LMLN: variants seen among roughly 807,000 people sequenced by gnomAD.
The protein encoded by LMLN is leishmanolysin-like peptidase.
LMLN carries 70 observed loss-of-function variants against 92.3 expected under a neutral mutation model. The observed-to-expected ratio is 0.76, with a 90% CI of 0.63 to 0.92. LMLN has a LOEUF of 0.92. LMLN is among the 40% of genes least tolerant of loss of function. LMLN has a pLI of 0.00. For missense variants in LMLN, 691 were observed against 814.6 expected (o/e 0.85, Z 1.85); for synonymous variants, 308 against 296.2 (o/e 1.04, Z -0.41).
intron 7 of LMLN, among the ~76,000 whole-genome samples, chr3:197,984,660 G>A (rs774937114): frequency 1.3e-5 from 2 of 151,604 alleles, no homozygotes; most frequent in Non-Finnish European, 2.9e-5. Context: ...TGTTGCCCAG[G>A]CTGGTCTCAA....
chr3:197,977,152 C>G lies in LMLN; in HGVS notation c.549+437C>G, dbSNP rs193153925. Among the ~76,000 whole-genome samples, 22 of 152,068 alleles carry G rather than the reference C, an allele frequency of 1.4e-4. No individual in the cohort carries two copies. In the East Asian group the frequency reaches 4.2e-3, roughly 29 times the overall value. ...TGTTCTTTGCAAAACTATAAATATG[C>G]CTATTTAGGGTATATTTATGTTAAG... On this transcript the variant is annotated intron_variant, in intron 5 of 15. Coordinates refer to ENST00000330198, the Ensembl canonical transcript of LMLN.
chr3:197,978,013 A>G (rs758318666), intron 5 of LMLN, among the ~76,000 whole-genome samples: 2 of 152,252 alleles, frequency 1.3e-5, no homozygotes, highest in Non-Finnish European at 2.9e-5. Context: ...CTGGATACAT[A>G]TAAAAATCAT....
intron 11 of LMLN, chr3:198,003,122 A>G (rs1411488281): frequency 6.6e-7 from 1 of 1,522,252 alleles, no homozygotes; most frequent in East Asian, 2.5e-5. Flanking sequence ...CAGCAGAGAC[A>G]AAAGTAAGAA....
intron 14 of LMLN, among the ~76,000 whole-genome samples, chr3:198,030,229 T>C (rs1723042619): frequency 6.6e-6 from 1 of 152,198 alleles, no homozygotes; most frequent in Non-Finnish European, 1.5e-5. Flanking sequence ...AAAATAAGAA[T>C]TTAGTTGGTT....
intron 5 of LMLN, among the ~76,000 whole-genome samples, chr3:197,979,010 A>G (rs1721481147): frequency 6.6e-6 from 1 of 152,128 alleles, no homozygotes; most frequent in South Asian, 2.1e-4. Context: ...ACAAAACTAA[A>G]CTAAACTAAA....
chr3:197,995,214 C>T (rs1407830279), intron 9 of LMLN, among the ~76,000 whole-genome samples: 1 of 152,168 alleles, frequency 6.6e-6, no homozygotes, highest in Non-Finnish European at 1.5e-5. Context: ...TTTATTTTCT[C>T]TAGCTTCATT....
intron 1 of LMLN, among the ~76,000 whole-genome samples, chr3:197,970,692 G>A (rs1230075085): frequency 1.3e-5 from 2 of 152,130 alleles, no homozygotes; most frequent in Non-Finnish European, 2.9e-5. Context: ...TAGACACAAT[G>A]AGCCATCCTT....
Position 198,019,491 on chromosome 3 carries a change from G to C in LMLN, c.1365+106G>C, listed in dbSNP as rs920399868. 21 of 1,147,908 alleles carry C rather than the reference G, an allele frequency of 1.8e-5. No individual in the cohort carries two copies. Among genetic ancestry groups the C allele is most frequent in the Non-Finnish European group, 2.3e-5 (19 of 835,060 alleles). The allele number at this position is 1,147,908 out of a possible 1,614,324, so 71.1% of individuals were successfully genotyped here. ...TAAGATTCTTAATTTATAAGGCCTT[G>C]TTTGTTTTCTGTAAGTTAGAAAAAA... On this transcript the variant is annotated intron_variant, in intron 12 of 15. Transcript: ENST00000330198. The surrounding 1 kb of genome is among the most constrained non-coding windows in gnomAD (Gnocchi z 5.5).
At chr3:197,972,279 G>C (rs752167195) in intron 1 of LMLN, among the ~76,000 whole-genome samples, 39 of 152,002 alleles carry the variant, frequency 2.6e-4, no homozygotes, top group Admixed American at 1.2e-3. Flanking sequence ...GGCCAGGCTG[G>C]TCTGGAACTC....
chr3:197,985,945 G>A, intron 8 of LMLN, 55 bp downstream of exon 8: 1 of 1,031,818 alleles, frequency 9.7e-7, no homozygotes, highest in South Asian at 1.3e-5. Context: ...GCTAAGACTA[G>A]AATCTGAGAA....
At chr3:198,032,658 G>A (rs1035252770) in intron 14 of LMLN, among the ~76,000 whole-genome samples, 1 of 152,074 alleles carries the variant, frequency 6.6e-6, no homozygotes, top group Non-Finnish European at 1.5e-5. Context: ...GAGAGAGGAG[G>A]GAGCTCCCGA....
At chr3:197,991,572 C>T (rs1721872905) in intron 9 of LMLN, among the ~76,000 whole-genome samples, 1 of 152,098 alleles carries the variant, frequency 6.6e-6, no homozygotes. Flanking sequence ...CTCTTCCGGC[C>T]TTCTCCTGAT....
At chr3:197,971,752 G>T (rs1721230508) in intron 1 of LMLN, among the ~76,000 whole-genome samples, 1 of 151,690 alleles carries the variant, frequency 6.6e-6, no homozygotes, top group African/African-American at 2.4e-5. Flanking sequence ...GCCCAGCCTT[G>T]TTTGTTTTTT....
intron 11 of LMLN, among the ~76,000 whole-genome samples, chr3:198,012,279 G>T (rs953492963): frequency 3.9e-5 from 6 of 152,138 alleles, no homozygotes; most frequent in Non-Finnish European, 7.4e-5. Context: ...TGACCAGGCT[G>T]GTCTTGAACT....
At chr3:198,038,203 T>C (rs1723288807) in intron 15 of LMLN, 1 of 219,808 alleles carries the variant, frequency 4.5e-6, no homozygotes, top group African/African-American at 2.3e-5. Flanking sequence ...TTTGTGTTGA[T>C]AAATTATATG....
chr3:197,962,171 T>G (rs75767378), intron 1 of LMLN, among the ~76,000 whole-genome samples: 3 of 149,580 alleles, frequency 2.0e-5, no homozygotes, highest in Non-Finnish European at 4.5e-5. Context: ...TTTCTAATTG[T>G]TTTTTTTTTA....
At position 198,024,643 on chromosome 3, in the gene LMLN, T is replaced by C. The variant is rs189286981; in HGVS notation, c.1526-15T>C. The stretch of plus-strand genomic sequence containing the variant: ...AAAAGTCAATTTTTAAGGAGACTTT[T>C]CTTCTTTGCCTCAGAAATTTTTAAG... On this transcript the variant is annotated splice_polypyrimidine_tract_variant and intron_variant, in intron 13 of 15. Coordinates refer to ENST00000330198, the Ensembl canonical transcript of LMLN. 97 of 1,550,476 alleles carry C rather than the reference T, an allele frequency of 6.3e-5. 1 individual carries two copies. The East Asian group carries it at 2.1e-3, about 33-fold the overall frequency.
chr3:197,960,277 A>G (rs760127799), exon 1 of LMLN: 3 of 1,613,266 alleles, frequency 1.9e-6, no homozygotes, highest in African/African-American at 1.3e-5. Context: ...GGAGTGGGTT[A>G]CTCGGGCTCA....
In LMLN at chr3:198,005,243, A is replaced by G. The variant is rs78576427; in HGVS notation, c.1232+5901A>G. ...TACGTAGTAAGTTTGACATCTATCTATATATCATCTATACAGATACATATC... is the reference window on the plus strand; with the variant it reads ...TACGTAGTAAGTTTGACATCTATCTGTATATCATCTATACAGATACATATC... On this transcript the variant is annotated intron_variant, in intron 11 of 15. Coordinates refer to ENST00000330198, the Ensembl canonical transcript of LMLN. Among the ~76,000 whole-genome samples, 546 of 129,044 alleles carry G rather than the reference A, an allele frequency of 4.2e-3. 3 individuals are homozygous for G. The highest frequency in any genetic ancestry group is 0.016 in the African/African-American group (507 of 32,588). The allele number at this position is 129,044 out of a possible 152,430, so 84.7% of individuals were successfully genotyped here. A position where few individuals can be genotyped will look rare whatever the true frequency, so the allele number is the denominator to read the frequency against.
Sources: gnomAD v4.1 joint callset for allele counts (sites outside exome capture counted in the v4.1 genomes callset) on GRCh38, gnomAD v4.1.1 for gene constraint, Gnocchi (gnomAD v3.1) non-coding constraint, MANE v1.5 for transcripts, NCBI Gene and HGNC (gene_info 2026-07-23, HGNC 2026-07-21) for gene names.